The following ODR4 variants were observed in gnomAD, a reference collection of about 807,000 sequenced individuals.
ODR4 encodes the protein protein odr-4 homolog.
A neutral mutation model predicts 60.2 loss-of-function variants in ODR4; 47 were observed. That is an observed-to-expected ratio of 0.78 (90% confidence interval 0.62 to 1.00). The LOEUF (loss-of-function observed/expected upper bound fraction) is 1.00, where lower values mean the gene tolerates loss of function less well. Ranked by LOEUF, ODR4 falls within the 50% of genes least tolerant of loss-of-function variation. The pLI is 0.00. For missense variants in ODR4, 488 were observed against 530.8 expected (o/e 0.92, Z 0.79); for synonymous variants, 178 against 175.5 (o/e 1.01, Z -0.11).
intron 1 of ODR4, among the ~76,000 whole-genome samples, chr1:186,379,228 A>G (rs1042739072): frequency 6.6e-6 from 1 of 151,956 alleles, no homozygotes; most frequent in Non-Finnish European, 1.5e-5. Context: ...GGATCACCTG[A>G]GGTCAGGAGT....
chr1:186,397,068 G>A (rs1660711223), intron 9 of ODR4, among the ~76,000 whole-genome samples: 1 of 152,120 alleles, frequency 6.6e-6, no homozygotes, highest in Non-Finnish European at 1.5e-5. Flanking sequence ...GACCTTTGGA[G>A]CTGTGTGGTC....
intron 11 of ODR4, among the ~76,000 whole-genome samples, chr1:186,405,149 T>G (rs1661124829): frequency 6.6e-6 from 1 of 151,976 alleles, no homozygotes; most frequent in African/African-American, 2.4e-5. Flanking sequence ...ATATTAGTAA[T>G]AAAGAGTCAA....
chr1:186,418,322 G>A (rs1484598552), intron 13 of ODR4, among the ~76,000 whole-genome samples: 4 of 130,260 alleles, frequency 3.1e-5, no homozygotes, highest in African/African-American at 5.7e-5. Context: ...ACGGAGTCTC[G>A]CTCTGTCGCC....
At chr1:186,384,441 G>A (rs1660167895) in intron 3 of ODR4, among the ~76,000 whole-genome samples, 1 of 152,002 alleles carries the variant, frequency 6.6e-6, no homozygotes, top group Non-Finnish European at 1.5e-5. Flanking sequence ...ATTTCAACAT[G>A]GTGTTTAAGG....
intron 8 of ODR4, among the ~76,000 whole-genome samples, chr1:186,393,738 T>A (rs543677390): frequency 2.0e-5 from 3 of 152,318 alleles, no homozygotes; most frequent in East Asian, 3.9e-4. Flanking sequence ...GTTGTTGCTT[T>A]AGAGGAATGA....
rs1659958380 is a variant in ODR4 at position 186,379,850 on chromosome 1, G to A, written c.65G>A (p.Gly22Glu). Reference sequence around the variant, plus strand: ...TATCTTTCAAACATAAATCTCCAAGGAAAGGCTTTTGTCTCTGGCCTTTTA... The same window carrying A: ...TATCTTTCAAACATAAATCTCCAAGAAAAGGCTTTTGTCTCTGGCCTTTTA... ...GQYLSNINLQ[G>E]KAFVSGLLIG... is the part of the protein sequence containing the mutation. The change falls in exon 2 of 14, where the codon GGA (glycine) becomes GAA (glutamate). Residue 22 changes from glycine to glutamate, a missense_variant. Gly to Glu is a moderately conservative substitution (Grantham distance 98). Transcript: ENST00000287859. 3.1e-6 allele frequency: 5 copies of A among 1,609,040 alleles called. No individual in the cohort carries two copies. The highest frequency in any genetic ancestry group is 4.2e-6 in the Non-Finnish European group (5 of 1,177,688).
intron 12 of ODR4, among the ~76,000 whole-genome samples, chr1:186,410,297 C>CAGT (rs1334936732): frequency 6.6e-6 from 1 of 152,146 alleles, no homozygotes; most frequent in Admixed American, 6.5e-5. Context: ...CTGTATGGCT[C>CAGT]AGTAGTTCAG....
At chr1:186,380,596 G>C (rs1422988991) in intron 2 of ODR4, among the ~76,000 whole-genome samples, 3 of 148,340 alleles carry the variant, frequency 2.0e-5, no homozygotes, top group African/African-American at 7.4e-5. Flanking sequence ...AAAAAGGAGA[G>C]TCACACAGGC....
rs1345909538 is a variant in ODR4 at position 186,420,694 on chromosome 1, T to A, written c.*1618T>A. On this transcript the variant is annotated 3_prime_UTR_variant, in exon 14 of 14. Coordinates refer to ENST00000287859, the MANE Select transcript of ODR4 (RefSeq NM_017847.6). ...CAAGTGAACTAAACTATAAGCTGGA[T>A]CTAAAGAAATTACCCAGTGAGCAGT... 1.3e-5 allele frequency: 2 copies of A among 152,116 alleles called. No homozygotes were observed. The highest frequency in any genetic ancestry group is 2.1e-4 in the South Asian group (1 of 4,822). The allele number at this position is 152,116 out of a possible 1,614,324, so 9.4% of individuals were successfully genotyped here.
intron 10 of ODR4, 62 bp downstream of exon 10, chr1:186,398,503 T>G: frequency 6.9e-7 from 1 of 1,452,354 alleles, no homozygotes; most frequent in Non-Finnish European, 9.2e-7. Context: ...CCTAAAATTT[T>G]ACCATTTTTT....
In ODR4 at chr1:186,413,875, A is replaced by G. The variant is rs1341017687; in HGVS notation, c.1187-3669A>G. ...CAGCAGCTTGGAATGAAATCTGAAC[A>G]CGTCTGCAACTTTTGCATGCATTCA... is the stretch of plus-strand genomic sequence containing the variant. On this transcript the variant is annotated intron_variant, in intron 12 of 13. Coordinates refer to ENST00000287859, the MANE Select transcript of ODR4 (RefSeq NM_017847.6). Among the ~76,000 whole-genome samples the G allele has an allele frequency of 2.0e-5, 3 of 152,200 alleles. No individual in the cohort carries two copies. The East Asian group carries it at 5.8e-4, about 29-fold the overall frequency.
chr1:186,413,319 C>T (rs544509646), intron 12 of ODR4, among the ~76,000 whole-genome samples: 1 of 152,058 alleles, frequency 6.6e-6, no homozygotes, highest in East Asian at 1.9e-4. Context: ...GGATGCTCAA[C>T]TTGTATGATT....
chr1:186,378,113 TGAAACAATAAG>T (rs1659863977), intron 1 of ODR4, among the ~76,000 whole-genome samples: 1 of 152,118 alleles, frequency 6.6e-6, no homozygotes, highest in South Asian at 2.1e-4. Flanking sequence ...ACAAGCTCAT[TGAAACAATAAG>T]GAAACAGCCT....
downstream of ODR4, among the ~76,000 whole-genome samples, chr1:186,424,087 C>A (rs1288921257): frequency 1.3e-5 from 2 of 152,112 alleles, no homozygotes; most frequent in Admixed American, 6.6e-5. Context: ...TAGAGAAATT[C>A]TTGGATATGT....
chr1:186,430,351 G>C, the ODR4 span, among the ~76,000 whole-genome samples: 7 of 152,072 alleles, frequency 4.6e-5, no homozygotes, highest in East Asian at 3.9e-4. Flanking sequence ...AATTAAAAAG[G>C]CTTGGTATTT....
intron 2 of ODR4, among the ~76,000 whole-genome samples, chr1:186,382,359 A>G (rs370131242): frequency 1.9e-3 from 288 of 152,098 alleles, no homozygotes; most frequent in African/African-American, 6.7e-3. Flanking sequence ...CAGGAGTGCA[A>G]GGTTGCAGTG....
At chr1:186,377,913 C>T (rs1001714319) in intron 1 of ODR4, among the ~76,000 whole-genome samples, 3 of 152,010 alleles carry the variant, frequency 2.0e-5, no homozygotes, top group African/African-American at 4.8e-5. Context: ...AGTGTGGTGG[C>T]GGGTGCCTGT....
At chr1:186,376,523 T>C (rs1420431491) in intron 1 of ODR4, among the ~76,000 whole-genome samples, 1 of 152,188 alleles carries the variant, frequency 6.6e-6, no homozygotes, top group Non-Finnish European at 1.5e-5. Flanking sequence ...TGTGAATTGG[T>C]GATTTAGTTC....
At chr1:186,403,733 A>G (rs11806304) in intron 11 of ODR4, among the ~76,000 whole-genome samples, 13,592 of 151,704 alleles carry the variant, frequency 0.09, 955 homozygotes, top group East Asian at 0.38. Context: ...GATTCCTCTT[A>G]AGATACAGCC....
Sources: allele counts gnomAD v4.1 joint callset (sites outside exome capture counted in the v4.1 genomes callset), GRCh38; gene constraint gnomAD v4.1.1; transcripts MANE v1.5; gene names NCBI Gene and HGNC (gene_info 2026-07-23, HGNC 2026-07-21).